Variants in DMRT1 observed in about 807,000 individuals in gnomAD.
DMRT1 encodes the protein doublesex and mab-3 related transcription factor 1, also known as doublesex- and mab-3-related transcription factor 1.
A neutral mutation model predicts 32.3 loss-of-function variants in DMRT1; 7 were observed. That is an observed-to-expected ratio of 0.22 (90% CI 0.12 to 0.41). The LOEUF (loss-of-function observed/expected upper bound fraction) is 0.41. DMRT1 is among the 10% of genes least tolerant of loss of function. The pLI is 1.00. For synonymous variants in DMRT1, 278 were observed against 206.1 expected (o/e 1.35, Z -2.99); for missense variants, 625 against 500.5 (o/e 1.25, Z -2.37).
chr9:868,477 A>G (rs1187869967), intron 2 of DMRT1, among the ~76,000 whole-genome samples: 1 of 152,134 alleles, frequency 6.6e-6, no homozygotes, highest in African/African-American at 2.4e-5. Flanking sequence ...TGGGTTTTTC[A>G]TGTCATTGCA....
At chr9:890,314 C>G (rs150963786) in intron 2 of DMRT1, among the ~76,000 whole-genome samples, 737 of 152,216 alleles carry the variant, frequency 4.8e-3, no homozygotes, top group African/African-American at 8.1e-3. Context: ...GGACATGTGC[C>G]CTCTCCAGAC....
chr9:895,965 C>T (rs1817342738), intron 3 of DMRT1, among the ~76,000 whole-genome samples: 2 of 151,150 alleles, frequency 1.3e-5, no homozygotes, highest in African/African-American at 2.4e-5. Flanking sequence ...CCACCAAGCC[C>T]AGCTAATTTT....
At chr9:930,440 T>C (rs886432400) in intron 4 of DMRT1, among the ~76,000 whole-genome samples, 18 of 151,596 alleles carry the variant, frequency 1.2e-4, no homozygotes, top group Non-Finnish European at 1.9e-4. Context: ...GAGACGGAGT[T>C]TCGCTCTGTC....
At chr9:882,243 C>T (rs1564220930) in intron 2 of DMRT1, among the ~76,000 whole-genome samples, 1 of 152,158 alleles carries the variant, frequency 6.6e-6, no homozygotes, top group Non-Finnish European at 1.5e-5. Context: ...AATTAAGTTT[C>T]TCTGGGGGTG....
chr9:936,281 C>T (rs1818882938), intron 4 of DMRT1, among the ~76,000 whole-genome samples: 1 of 152,124 alleles, frequency 6.6e-6, no homozygotes, highest in African/African-American at 2.4e-5. Context: ...TCTGCCCCTT[C>T]TTGGTAGGAC....
At chr9:897,757 G>C (rs1817428140) in intron 3 of DMRT1, among the ~76,000 whole-genome samples, 1 of 151,716 alleles carries the variant, frequency 6.6e-6, no homozygotes, top group Admixed American at 6.6e-5. Context: ...TTGAGTTCTT[G>C]ACTGTTTGTT....
intron 2 of DMRT1, among the ~76,000 whole-genome samples, chr9:870,204 C>T (rs902940936): frequency 1.3e-5 from 2 of 152,092 alleles, no homozygotes; most frequent in African/African-American, 4.8e-5. Flanking sequence ...TTGGGACCAG[C>T]CTGGGTAACA....
Position 936,974 on chromosome 9 carries a change from C to G in DMRT1, c.967+20067C>G, listed in dbSNP as rs116597604. On this transcript the variant is annotated intron_variant, in intron 4 of 4. Coordinates refer to ENST00000382276, the MANE Select transcript of DMRT1 (RefSeq NM_021951.3). ...TTTTTTATCATTCCAAACAGAAACT[C>G]TTTACCTCTTAAGCAATAACTTCCC... is the stretch of plus-strand genomic sequence containing the variant. Among the ~76,000 whole-genome samples the G allele has an allele frequency of 4.8e-3, 729 of 152,290 alleles. 6 individuals carry two copies. Among genetic ancestry groups the G allele is most frequent in the African/African-American group, 0.017 (706 of 41,556 alleles).
Position 846,908 on chromosome 9 carries a change from G to A in DMRT1, c.355-52G>A, listed in dbSNP as rs994127280. The A allele has an allele frequency of 3.1e-5, 50 of 1,610,124 alleles. No homozygotes were observed. In the African/African-American group the frequency reaches 6.4e-4, roughly 21 times the overall value. ...GGATGGGTGGGGCTTCTGTGTTTTG[G>A]CAAAGCTGATTCTGGAGTGCTGGAG... On this transcript the variant is annotated intron_variant, in intron 1 of 4. Transcript: ENST00000382276.
Position 894,194 on chromosome 9 carries a change from A to G in DMRT1, c.821A>G (p.Gln274Arg), listed in dbSNP as rs994491277. 2 of 1,612,992 alleles carry G rather than the reference A, an allele frequency of 1.2e-6. No homozygotes were observed. Among genetic ancestry groups the G allele is most frequent in the Non-Finnish European group, 1.7e-6 (2 of 1,180,008 alleles). Residue 274 changes from glutamine to arginine, a missense_variant and splice_region_variant, in exon 3 of 5, where the codon CAG (glutamine) becomes CGG (arginine). Gln to Arg is a conservative substitution (Grantham distance 43). Around this residue, in one of 3 missense-constraint regions of DMRT1, gnomAD observed 416 missense variants for 321.6 expected, o/e 1.29. Transcript: ENST00000382276. ...CCTGGTCAGACAGGAAACCAGTGGCAGGTATGATATTAATTACCCAGAGAG... is the reference window on the plus strand; with the variant it reads ...CCTGGTCAGACAGGAAACCAGTGGCGGGTATGATATTAATTACCCAGAGAG... ...YVPGQTGNQW[Q>R]MKNMENRHAM...
chr9:847,066 G>C lies in DMRT1; in HGVS notation c.461G>C (p.Ser154Thr). The change falls in exon 2 of 5, where the codon AGT (serine) becomes ACT (threonine). Residue 154 changes from serine (S) to threonine (T), a missense_variant. Ser to Thr is a moderately conservative substitution (Grantham distance 58). This residue lies in a region of DMRT1 where 416 missense variants were observed against 321.6 expected (regional missense o/e 1.29). Transcript: ENST00000382276. ...CTTGTCAAAAGAGAGAACAATGGCA[G>C]TAACCCGTGCCTCATGACTGAGTGC... ...ELLVKRENNG[S>T]NPCLMTECSG... 1 of 1,614,038 alleles carries C rather than the reference G, an allele frequency of 6.2e-7. No homozygotes were observed. Among genetic ancestry groups the C allele is most frequent in the Non-Finnish European group, 8.5e-7 (1 of 1,180,042 alleles).
At chr9:886,863 G>C (rs991230079) in intron 2 of DMRT1, among the ~76,000 whole-genome samples, 1 of 152,114 alleles carries the variant, frequency 6.6e-6, no homozygotes, top group Non-Finnish European at 1.5e-5. Context: ...CTGTAGCATG[G>C]GCTGGACAGA....
rs79462342 is a variant in DMRT1, at chr9:948,443, A to G, written c.968-19542A>G. 3.6e-3 allele frequency among the ~76,000 whole-genome samples: 542 copies of G among 152,170 alleles called. 1 individual carries two copies. The highest frequency in any genetic ancestry group is 0.012 in the African/African-American group (512 of 41,524). ...CATCTGGGTGTCTGGTAGCTTTCAA[A>G]TTCCCAGACCCTATGATTCCATTTC... is the stretch of plus-strand genomic sequence containing the variant. On this transcript the variant is annotated intron_variant, in intron 4 of 4. Transcript: ENST00000382276.
intron 4 of DMRT1, among the ~76,000 whole-genome samples, chr9:928,366 A>G (rs1432707494): frequency 6.6e-6 from 1 of 152,152 alleles, no homozygotes; most frequent in Non-Finnish European, 1.5e-5. Context: ...CTTTACATTG[A>G]ATCCAGGGTC....
intron 3 of DMRT1, among the ~76,000 whole-genome samples, chr9:906,275 T>G (rs1386755521): frequency 1.3e-5 from 2 of 152,138 alleles, no homozygotes; most frequent in Non-Finnish European, 2.9e-5. Context: ...TGTGTGCGTG[T>G]GCTTAGTTAG....
intron 2 of DMRT1, among the ~76,000 whole-genome samples, chr9:891,126 G>T (rs1303417574): frequency 6.6e-6 from 1 of 151,702 alleles, no homozygotes; most frequent in African/African-American, 2.4e-5. Context: ...GATTGCTGGA[G>T]CTCAGGAGTT....
intron 2 of DMRT1, among the ~76,000 whole-genome samples, chr9:878,783 G>A (rs1222168343): frequency 6.6e-6 from 1 of 152,176 alleles, no homozygotes; most frequent in Non-Finnish European, 1.5e-5. Context: ...CACTCAACAC[G>A]TGGCAGAGCC....
chr9:931,556 G>A (rs1396640492), intron 4 of DMRT1, among the ~76,000 whole-genome samples: 2 of 152,202 alleles, frequency 1.3e-5, no homozygotes, highest in African/African-American at 2.4e-5. Context: ...TAGTCTGGAG[G>A]CTGGAAGTCC....
chr9:894,364 G>A (rs1387788714), intron 3 of DMRT1, 169 bp downstream of exon 3: 1 of 721,634 alleles, frequency 1.4e-6, no homozygotes, highest in South Asian at 1.5e-5. Context: ...TTGCACACAT[G>A]TAGGCACAAT....
Sources: gnomAD v4.1 joint callset for allele counts (sites outside exome capture counted in the v4.1 genomes callset) on GRCh38, gnomAD v4.1.1 for gene constraint, gnomAD v4.1.1 regional missense constraint, MANE v1.5 for transcripts, NCBI Gene and HGNC (gene_info 2026-07-23, HGNC 2026-07-21) for gene names.